COG5: variants seen among roughly 807,000 people sequenced by gnomAD.
The protein encoded by COG5 is component of oligomeric golgi complex 5.
Under a neutral mutation model 110.4 loss-of-function variants are expected in COG5, and 86 were observed. The observed-to-expected ratio is 0.78, with a 90% CI of 0.65 to 0.93. COG5 has a LOEUF of 0.93. COG5 is among the 40% of genes least tolerant of loss of function. The pLI is 0.00. For synonymous variants in COG5, 360 were observed against 334.6 expected, an observed-to-expected ratio of 1.08 and a Z score of -0.83; for missense variants, 1,077 against 987.0, an observed-to-expected ratio of 1.09 and a Z score of -1.22.
At chr7:107,494,696 G>A (rs1798164622) in intron 6 of COG5, among the ~76,000 whole-genome samples, 1 of 152,112 alleles carries the variant, frequency 6.6e-6, no homozygotes, top group Admixed American at 6.6e-5. Context: ...ATCATTAAAC[G>A]ATGAATAACT....
At chr7:107,379,700 G>A (rs1814943040) in intron 7 of COG5, among the ~76,000 whole-genome samples, 1 of 151,996 alleles carries the variant, frequency 6.6e-6, no homozygotes, top group Non-Finnish European at 1.5e-5. Context: ...TTACATAATG[G>A]TAAAGGGATT....
chr7:107,495,793 C>T (rs1019759674), intron 6 of COG5, among the ~76,000 whole-genome samples: 2 of 151,652 alleles, frequency 1.3e-5, no homozygotes, highest in South Asian at 2.1e-4. Context: ...AAAAAGTGCA[C>T]AAACAAAATA....
chr7:107,551,605 T>C (rs972795316), intron 3 of COG5, among the ~76,000 whole-genome samples: 6 of 152,018 alleles, frequency 3.9e-5, no homozygotes, highest in African/African-American at 1.4e-4. Context: ...CCAATTCACA[T>C]TTAAAGTTTT....
intron 10 of COG5, 39 bp from the exon 11 acceptor site, chr7:107,324,560 A>ATGCAT: frequency 8.0e-7 from 1 of 1,248,398 alleles, no homozygotes; most frequent in Non-Finnish European, 1.2e-6. Context: ...AAATAAAAAA[A>ATGCAT]TGCATTTATT....
chr7:107,337,923 A>G (rs1055982193), intron 10 of COG5, among the ~76,000 whole-genome samples: 11 of 152,122 alleles, frequency 7.2e-5, no homozygotes, highest in African/African-American at 2.7e-4. Flanking sequence ...ATGTACAGAA[A>G]TTATGTATCA....
At chr7:107,348,040 C>G (rs1167375372) in intron 10 of COG5, among the ~76,000 whole-genome samples, 1 of 146,722 alleles carries the variant, frequency 6.8e-6, no homozygotes, top group African/African-American at 2.5e-5. Flanking sequence ...GCAGGAGAAT[C>G]GCTTGAACCT....
intron 19 of COG5, among the ~76,000 whole-genome samples, chr7:107,211,905 A>G (rs1468957304): frequency 6.6e-6 from 1 of 152,170 alleles, no homozygotes; most frequent in African/African-American, 2.4e-5. Context: ...GCTCTTATGG[A>G]TGAGAGCTGA....
intron 16 of COG5, among the ~76,000 whole-genome samples, chr7:107,249,737 T>C (rs889145813): frequency 1.3e-5 from 2 of 148,956 alleles, no homozygotes; most frequent in Admixed American, 1.3e-4. Flanking sequence ...TGTGTGTGTG[T>C]GTATACATAT....
intron 14 of COG5, among the ~76,000 whole-genome samples, chr7:107,272,013 T>G (rs1423304733): frequency 6.6e-6 from 1 of 152,202 alleles, no homozygotes; most frequent in Non-Finnish European, 1.5e-5. Context: ...CTGTTTAACT[T>G]TGAAATACCT....
At chr7:107,265,872 T>G (rs370813143) in intron 14 of COG5, among the ~76,000 whole-genome samples, 1 of 151,956 alleles carries the variant, frequency 6.6e-6, no homozygotes, top group East Asian at 1.9e-4. Context: ...CTGAGCAACA[T>G]AGTGAGACCC....
intron 6 of COG5, among the ~76,000 whole-genome samples, chr7:107,426,145 A>G (rs1356843781): frequency 6.6e-6 from 1 of 152,174 alleles, no homozygotes; most frequent in Non-Finnish European, 1.5e-5. Context: ...GTAAGACAAC[A>G]CATTTCTGTT....
chr7:107,294,697 C>T (rs1806451072), intron 12 of COG5, among the ~76,000 whole-genome samples: 1 of 145,898 alleles, frequency 6.9e-6, no homozygotes, highest in Admixed American at 6.9e-5. Context: ...CAAACCTCCT[C>T]ATCTTAATTT....
chr7:107,396,769 G>A (rs1791047534), intron 7 of COG5, among the ~76,000 whole-genome samples: 1 of 151,978 alleles, frequency 6.6e-6, no homozygotes, highest in South Asian at 2.1e-4. Context: ...TTTAAATAAT[G>A]TCAATACACA....
chr7:107,347,731 C>T (rs1811750754), intron 10 of COG5, among the ~76,000 whole-genome samples: 1 of 152,096 alleles, frequency 6.6e-6, no homozygotes, highest in Non-Finnish European at 1.5e-5. Flanking sequence ...CATTTTAAAA[C>T]TTAAAAAAAT....
intron 11 of COG5, among the ~76,000 whole-genome samples, chr7:107,300,839 A>AC (rs1287705579): frequency 6.6e-6 from 1 of 152,108 alleles, no homozygotes; most frequent in Non-Finnish European, 1.5e-5. Context: ...AATGTAAAGA[A>AC]CCCAGAATAG....
chr7:107,457,513 C>T (rs1266741385), intron 6 of COG5, among the ~76,000 whole-genome samples: 2 of 152,134 alleles, frequency 1.3e-5, no homozygotes, highest in Non-Finnish European at 2.9e-5. Flanking sequence ...ACTGCAAGCG[C>T]CGCCTCCCAG....
intron 6 of COG5, among the ~76,000 whole-genome samples, chr7:107,462,999 T>C (rs144169914): frequency 6.6e-6 from 1 of 152,204 alleles, no homozygotes. Context: ...TGGTCAAAGC[T>C]ATAAGAATGG....
chr7:107,270,459 G>A (rs1010710379), intron 14 of COG5, among the ~76,000 whole-genome samples: 1 of 151,918 alleles, frequency 6.6e-6, no homozygotes, highest in Non-Finnish European at 1.5e-5. Flanking sequence ...ATGGGGTTTC[G>A]CATGTTGCCC....
At chr7:107,445,710 A>G (rs985652025) in intron 6 of COG5, among the ~76,000 whole-genome samples, 4 of 152,336 alleles carry the variant, frequency 2.6e-5, no homozygotes, top group African/African-American at 9.6e-5. Context: ...TGTGATGACT[A>G]AAAGAATGGT....
Sources: gnomAD v4.1 joint callset for allele counts (sites outside exome capture counted in the v4.1 genomes callset) on GRCh38, gnomAD v4.1.1 for gene constraint, MANE v1.5 for transcripts, NCBI Gene and HGNC (gene_info 2026-07-23, HGNC 2026-07-21) for gene names.